Variants in GAS2 observed in about 807,000 individuals in gnomAD.
The protein encoded by GAS2 is growth arrest-specific protein 2.
GAS2 carries 20 observed loss-of-function variants against 37.5 expected under a neutral mutation model. The observed-to-expected ratio is 0.53, with a 90% confidence interval of 0.37 to 0.77. The LOEUF is 0.77. Ranked by LOEUF, GAS2 falls within the 30% of genes least tolerant of loss-of-function variation. The pLI is 0.00. For missense variants in GAS2, 336 were observed against 373.4 expected, an observed-to-expected ratio of 0.90 and a Z score of 0.82; for synonymous variants, 144 against 132.2, an observed-to-expected ratio of 1.09 and a Z score of -0.61.
intron 7 of GAS2, among the ~76,000 whole-genome samples, chr11:22,804,056 A>C (rs1015438481): frequency 2.0e-5 from 3 of 152,172 alleles, no homozygotes; most frequent in Non-Finnish European, 4.4e-5. Flanking sequence ...GGATTCACTT[A>C]TCTGGGGAAG....
At chr11:22,748,281 G>T (rs114664414) in intron 5 of GAS2, among the ~76,000 whole-genome samples, 1 of 151,898 alleles carries the variant, frequency 6.6e-6, no homozygotes, top group Non-Finnish European at 1.5e-5. Context: ...AAGTGAGAGG[G>T]TGTAAATTGA....
intron 7 of GAS2, among the ~76,000 whole-genome samples, chr11:22,761,328 C>G (rs1286735023): frequency 6.6e-6 from 1 of 152,102 alleles, no homozygotes; most frequent in East Asian, 1.9e-4. Flanking sequence ...GAAATGGATG[C>G]AGACAGCCCC....
chr11:22,641,779 G>A (rs145921107), intron 1 of GAS2, among the ~76,000 whole-genome samples: 82 of 152,194 alleles, frequency 5.4e-4, no homozygotes, highest in African/African-American at 1.8e-3. Context: ...ATATGTTAGT[G>A]AGTCATAATA....
intron 7 of GAS2, among the ~76,000 whole-genome samples, chr11:22,794,553 T>A (rs964278307): frequency 2.0e-5 from 3 of 152,180 alleles, no homozygotes; most frequent in African/African-American, 7.2e-5. Context: ...ACTTCCTTTC[T>A]TTCTATTTGC....
intron 7 of GAS2, among the ~76,000 whole-genome samples, chr11:22,792,029 G>A (rs957409188): frequency 6.6e-6 from 1 of 152,170 alleles, no homozygotes; most frequent in Non-Finnish European, 1.5e-5. Flanking sequence ...TGGATATGCA[G>A]GTAAGATTCT....
intron 2 of GAS2, among the ~76,000 whole-genome samples, chr11:22,683,581 G>A (rs114572074): frequency 0.014 from 2,135 of 152,062 alleles, 50 homozygotes; most frequent in African/African-American, 0.049. Flanking sequence ...TTTATTTTAA[G>A]GTTCATGGAA....
In GAS2 at chr11:22,796,041, G is replaced by A. The variant is rs187988296; in HGVS notation, c.724-15757G>A. The stretch of plus-strand genomic sequence containing the variant: ...AAATAGATTCTGCAATGAAATTTTC[G>A]CTGTATTTGCTTTATCATATATTTT... On this transcript the variant is annotated intron_variant, in intron 7 of 7. Coordinates refer to ENST00000454584, the MANE Select transcript of GAS2 (RefSeq NM_001143830.3). Among the ~76,000 whole-genome samples the A allele has an allele frequency of 5.9e-5, 9 of 152,130 alleles. No individual in the cohort carries two copies. In the East Asian group the frequency reaches 7.7e-4, roughly 13 times the overall value.
intron 7 of GAS2, among the ~76,000 whole-genome samples, chr11:22,767,559 T>C (rs902303544): frequency 6.6e-6 from 1 of 152,176 alleles, no homozygotes; most frequent in Non-Finnish European, 1.5e-5. Context: ...ATGATTTTTT[T>C]TGCAAAGGGG....
chr11:22,778,458 A>G (rs1441451800), intron 7 of GAS2, among the ~76,000 whole-genome samples: 3 of 152,238 alleles, frequency 2.0e-5, no homozygotes, highest in Non-Finnish European at 2.9e-5. Context: ...GATTCAATGT[A>G]GAATAATAGG....
chr11:22,751,266 C>G (rs551527867), intron 6 of GAS2, among the ~76,000 whole-genome samples: 59 of 152,064 alleles, frequency 3.9e-4, no homozygotes, highest in African/African-American at 1.3e-3. Context: ...GCCTACTCAC[C>G]TGTTACACTA....
intron 3 of GAS2, among the ~76,000 whole-genome samples, chr11:22,720,397 GT>G (rs910927755): frequency 3.3e-5 from 5 of 151,570 alleles, no homozygotes; most frequent in Admixed American, 2.0e-4. Flanking sequence ...ATACCACAAA[GT>G]TTTTTTTCCC....
intron 4 of GAS2, among the ~76,000 whole-genome samples, chr11:22,736,830 C>A (rs1431314960): frequency 6.8e-6 from 1 of 147,646 alleles, no homozygotes; most frequent in Non-Finnish European, 1.5e-5. Flanking sequence ...TTTTTCCAAT[C>A]TCTCTTATCT....
chr11:22,705,360 C>A (rs1170352328), intron 3 of GAS2, among the ~76,000 whole-genome samples: 1 of 146,500 alleles, frequency 6.8e-6, no homozygotes, highest in African/African-American at 2.5e-5. Flanking sequence ...CATGTCCCTG[C>A]TCAAATGTCA....
chr11:22,734,890 C>A (rs1188940211), intron 4 of GAS2, among the ~76,000 whole-genome samples: 1 of 151,758 alleles, frequency 6.6e-6, no homozygotes, highest in Non-Finnish European at 1.5e-5. Context: ...GTGCCACTAC[C>A]AAAGTCACCT....
At chr11:22,686,720 A>G (rs1360798513) in intron 3 of GAS2, among the ~76,000 whole-genome samples, 3 of 152,062 alleles carry the variant, frequency 2.0e-5, no homozygotes, top group African/African-American at 7.2e-5. Flanking sequence ...ATTGCACTCC[A>G]GCCTGGGTGA....
intron 5 of GAS2, among the ~76,000 whole-genome samples, chr11:22,740,556 T>G (rs1853019721): frequency 6.6e-6 from 1 of 152,192 alleles, no homozygotes; most frequent in Non-Finnish European, 1.5e-5. Context: ...TAGGATAGAT[T>G]GAACATTTAA....
At chr11:22,784,163 A>G (rs879915214) in intron 7 of GAS2, among the ~76,000 whole-genome samples, 14 of 152,028 alleles carry the variant, frequency 9.2e-5, no homozygotes, top group Non-Finnish European at 4.4e-5. Context: ...AGCTTTTTCT[A>G]TGTGTGTGAA....
chr11:22,755,171 A>G (rs750149449), intron 6 of GAS2, among the ~76,000 whole-genome samples: 4 of 152,152 alleles, frequency 2.6e-5, no homozygotes, highest in South Asian at 2.1e-4. Flanking sequence ...GAGAATAGAT[A>G]TAACAGGGAT....
At chr11:22,800,342 G>T (rs143095874) in intron 7 of GAS2, among the ~76,000 whole-genome samples, 8 of 152,020 alleles carry the variant, frequency 5.3e-5, no homozygotes, top group Non-Finnish European at 7.4e-5. Context: ...ACTTTCCCAG[G>T]ATCTTCGCCA....
Sources: gnomAD v4.1 joint callset for allele counts (sites outside exome capture counted in the v4.1 genomes callset) on GRCh38, gnomAD v4.1.1 for gene constraint, MANE v1.5 for transcripts, NCBI Gene and HGNC (gene_info 2026-07-23, HGNC 2026-07-21) for gene names.